SH3GL2: variants seen among roughly 807,000 people sequenced by gnomAD.
SH3GL2 encodes SH3 domain containing GRB2 like 2, endophilin A1.
SH3GL2 carries 24 observed loss-of-function variants against 46.0 expected under a neutral mutation model. That is an observed-to-expected ratio of 0.52 (90% confidence interval 0.38 to 0.73). The LOEUF (loss-of-function observed/expected upper bound fraction) is 0.73. SH3GL2 is among the 30% of genes least tolerant of loss of function. The pLI, the probability that SH3GL2 is intolerant of heterozygous loss-of-function variation, is 0.00. For synonymous variants in SH3GL2, 196 were observed against 147.1 expected (o/e 1.33, Z -2.40); for missense variants, 413 against 424.2 (o/e 0.97, Z 0.23).
intron 1 of SH3GL2, among the ~76,000 whole-genome samples, chr9:17,648,639 A>T (rs909344333): frequency 2.0e-5 from 3 of 152,136 alleles, no homozygotes; most frequent in Non-Finnish European, 4.4e-5. Context: ...GTACTGAGGT[A>T]GTGACTTGAC....
intron 1 of SH3GL2, among the ~76,000 whole-genome samples, chr9:17,594,564 T>A (rs1167439399): frequency 6.6e-6 from 1 of 152,066 alleles, no homozygotes; most frequent in Non-Finnish European, 1.5e-5. Flanking sequence ...GGTTGATAGG[T>A]GCACCGAACC....
At chr9:17,596,246 G>T (rs1818569316) in intron 1 of SH3GL2, among the ~76,000 whole-genome samples, 1 of 152,258 alleles carries the variant, frequency 6.6e-6, no homozygotes, top group East Asian at 1.9e-4. Context: ...TCTTCTGAAT[G>T]CATGGCTACT....
At chr9:17,629,129 C>CAGG (rs1563789244) in intron 1 of SH3GL2, among the ~76,000 whole-genome samples, 1 of 152,108 alleles carries the variant, frequency 6.6e-6, no homozygotes, top group Non-Finnish European at 1.5e-5. Context: ...GGCTGGGAGG[C>CAGG]AGGAGACCTG....
chr9:17,671,441 G>A (rs1820471830), intron 1 of SH3GL2, among the ~76,000 whole-genome samples: 1 of 152,120 alleles, frequency 6.6e-6, no homozygotes, highest in Non-Finnish European at 1.5e-5. Flanking sequence ...GGTGACTGTA[G>A]TCAATAATAA....
chr9:17,695,287 G>A (rs1821175438), intron 1 of SH3GL2, among the ~76,000 whole-genome samples: 1 of 152,074 alleles, frequency 6.6e-6, no homozygotes, highest in South Asian at 2.1e-4. Context: ...AGGATGACAG[G>A]TACATGTGGA....
chr9:17,760,858 A>G (rs912618113), intron 2 of SH3GL2, among the ~76,000 whole-genome samples: 2 of 152,212 alleles, frequency 1.3e-5, no homozygotes, highest in Non-Finnish European at 2.9e-5. Flanking sequence ...TGCTGAAGGC[A>G]AACACTGACC....
intron 1 of SH3GL2, among the ~76,000 whole-genome samples, chr9:17,678,536 T>C (rs1820676975): frequency 6.6e-6 from 1 of 152,210 alleles, no homozygotes; most frequent in South Asian, 2.1e-4. Context: ...TATTAGCCCT[T>C]TGTCAGATGA....
chr9:17,774,806 A>G (rs1279335266), intron 3 of SH3GL2, among the ~76,000 whole-genome samples: 5 of 152,158 alleles, frequency 3.3e-5, no homozygotes, highest in African/African-American at 1.2e-4. Flanking sequence ...TCCTCATAGA[A>G]TGAGCAGGAA....
At chr9:17,720,571 C>G (rs905594220) in intron 1 of SH3GL2, among the ~76,000 whole-genome samples, 2 of 151,866 alleles carry the variant, frequency 1.3e-5, no homozygotes, top group Non-Finnish European at 2.9e-5. Flanking sequence ...GGTGATTGGC[C>G]CAAGAGTTGG....
intron 1 of SH3GL2, among the ~76,000 whole-genome samples, chr9:17,681,950 C>A (rs1820780523): frequency 6.6e-6 from 1 of 152,028 alleles, no homozygotes; most frequent in South Asian, 2.1e-4. Context: ...AAAAGCTCAA[C>A]ATCACTGAAA....
intron 3 of SH3GL2, among the ~76,000 whole-genome samples, chr9:17,784,448 T>G (rs534029146): frequency 3.3e-5 from 5 of 152,280 alleles, no homozygotes; most frequent in Admixed American, 2.0e-4. Context: ...TTACTCTGTT[T>G]CTCCTTTCCT....
intron 2 of SH3GL2, among the ~76,000 whole-genome samples, chr9:17,757,418 A>C (rs1225065688): frequency 6.6e-6 from 1 of 152,232 alleles, no homozygotes; most frequent in Non-Finnish European, 1.5e-5. Flanking sequence ...CATCTGACAA[A>C]GAGCTAATAT....
Position 17,713,743 on chromosome 9 carries a change from T to C in SH3GL2, c.46-33323T>C, listed in dbSNP as rs576692387. ...GTAATTCCATTGTGGTTAGAGAAAA[T>C]ACGTTATAGAACTTGAATCCTTTTA... On this transcript the variant is annotated intron_variant, in intron 1 of 8. Transcript: ENST00000380607. 3.3e-5 allele frequency among the ~76,000 whole-genome samples: 5 copies of C among 151,848 alleles called. No homozygotes were observed. In the East Asian group the frequency reaches 9.7e-4, roughly 29 times the overall value.
At chr9:17,766,409 C>T (rs1823319596) in intron 3 of SH3GL2, among the ~76,000 whole-genome samples, 1 of 152,256 alleles carries the variant, frequency 6.6e-6, no homozygotes, top group Non-Finnish European at 1.5e-5. Flanking sequence ...TTGTAAGTGC[C>T]TATTCTTACG....
chr9:17,642,621 A>T (rs1819711324), intron 1 of SH3GL2, among the ~76,000 whole-genome samples: 1 of 152,166 alleles, frequency 6.6e-6, no homozygotes, highest in Admixed American at 6.5e-5. Flanking sequence ...TCTTTTTCCC[A>T]TTACTTGTTT....
chr9:17,759,448 C>G (rs1316927533), intron 2 of SH3GL2, among the ~76,000 whole-genome samples: 2 of 152,122 alleles, frequency 1.3e-5, no homozygotes, highest in Admixed American at 6.6e-5. Flanking sequence ...TGGGAGATGC[C>G]TCTGTTGCCT....
intron 1 of SH3GL2, among the ~76,000 whole-genome samples, chr9:17,735,085 A>G (rs4961446): frequency 0.2 from 30,080 of 152,072 alleles, 3,475 homozygotes; most frequent in East Asian, 0.39. Flanking sequence ...CTTTTGCCAC[A>G]TCATGAGAAG....
chr9:17,687,789 G>A lies in SH3GL2; in HGVS notation c.46-59277G>A, dbSNP rs572616035. On this transcript the variant is annotated intron_variant, in intron 1 of 8. Transcript: ENST00000380607. ...GTTAAACCAGAGAGAAACAATGATG[G>A]ATGTGAATCTCAAGGCAGTATGGGG... Among the ~76,000 whole-genome samples the A allele has an allele frequency of 1.1e-3, 160 of 152,144 alleles. 2 individuals carry two copies. The highest frequency in any genetic ancestry group is 2.7e-3 in the African/African-American group (113 of 41,514).
At chr9:17,780,542 C>T (rs1443659330) in intron 3 of SH3GL2, among the ~76,000 whole-genome samples, 1 of 142,690 alleles carries the variant, frequency 7.0e-6, no homozygotes, top group African/African-American at 2.6e-5. Flanking sequence ...AGGTTAGTTA[C>T]ATATGTATAC....
Sources: allele counts gnomAD v4.1 joint callset (sites outside exome capture counted in the v4.1 genomes callset), GRCh38; gene constraint gnomAD v4.1.1; transcripts MANE v1.5; gene names NCBI Gene and HGNC (gene_info 2026-07-23, HGNC 2026-07-21).